GALNT2: variants seen among roughly 807,000 people sequenced by gnomAD.
GALNT2 encodes UDP-GalNAc:polypeptide N-acetylgalactosaminyltransferase 2.
GALNT2 carries 31 observed loss-of-function variants against 81.4 expected under a neutral mutation model. That is an observed-to-expected ratio of 0.38 (90% CI 0.29 to 0.51). The LOEUF (loss-of-function observed/expected upper bound fraction) is 0.51, where lower values mean the gene tolerates loss of function less well. GALNT2 is among the 20% of genes least tolerant of loss of function. The pLI is 0.87. For synonymous variants in GALNT2, 303 were observed against 287.4 expected, an observed-to-expected ratio of 1.05 and a Z score of -0.55; for missense variants, 629 against 765.7, an observed-to-expected ratio of 0.82 and a Z score of 2.11.
intron 1 of GALNT2, among the ~76,000 whole-genome samples, chr1:230,108,970 G>T (rs2102786965): frequency 6.6e-6 from 1 of 152,346 alleles, no homozygotes; most frequent in Non-Finnish European, 1.5e-5. Flanking sequence ...GTAAGTTGGA[G>T]ACCATCTGAA....
At chr1:230,265,501 G>T in intron 14 of GALNT2, 134 bp downstream of exon 14, 1 of 1,212,606 alleles carries the variant, frequency 8.2e-7, no homozygotes, top group Non-Finnish European at 1.2e-6. Context: ...CCTGGCTCCT[G>T]CTGGCCACAG....
At chr1:230,272,653 G>T (rs145108794) in intron 14 of GALNT2, among the ~76,000 whole-genome samples, 2 of 152,262 alleles carry the variant, frequency 1.3e-5, no homozygotes, top group Non-Finnish European at 2.9e-5. Context: ...GGGTGTCCGT[G>T]CCTCTGCATC....
At chr1:230,116,861 G>A (rs1013460143) in intron 1 of GALNT2, among the ~76,000 whole-genome samples, 8 of 152,154 alleles carry the variant, frequency 5.3e-5, no homozygotes, top group South Asian at 2.1e-4. Flanking sequence ...TAGGAGTTTC[G>A]GAATGGTAAA....
chr1:230,101,861 A>G (rs547213866), intron 1 of GALNT2, among the ~76,000 whole-genome samples: 1 of 152,194 alleles, frequency 6.6e-6, no homozygotes, highest in African/African-American at 2.4e-5. Context: ...ATTGATGTGT[A>G]GTAAGGACAG....
chr1:230,230,507 C>T (rs1211167385), intron 3 of GALNT2, among the ~76,000 whole-genome samples: 1 of 152,136 alleles, frequency 6.6e-6, no homozygotes, highest in Admixed American at 6.5e-5. Flanking sequence ...GCCCCATTGC[C>T]AGCAGATTTG....
chr1:230,107,402 G>T (rs1660573151), intron 1 of GALNT2, among the ~76,000 whole-genome samples: 1 of 152,116 alleles, frequency 6.6e-6, no homozygotes, highest in African/African-American at 2.4e-5. Flanking sequence ...GCAAGATCCT[G>T]TCTCTACAAA....
At chr1:230,245,969 G>C in intron 7 of GALNT2, 94 bp from the exon 8 acceptor site, 3 of 1,039,534 alleles carry the variant, frequency 2.9e-6, no homozygotes, top group East Asian at 4.8e-5. Flanking sequence ...AGTTGGGTTT[G>C]CCCTGTGCCT....
At chr1:230,221,991 A>C (rs60044338) in intron 3 of GALNT2, among the ~76,000 whole-genome samples, 82,827 of 147,276 alleles carry the variant, frequency 0.56, 25,882 homozygotes, top group East Asian at 0.9. Flanking sequence ...CATCCTTGAC[A>C]TCAAGTGCTG....
intron 1 of GALNT2, among the ~76,000 whole-genome samples, chr1:230,124,384 C>T (rs923229346): frequency 1.3e-5 from 2 of 152,082 alleles, no homozygotes; most frequent in South Asian, 2.1e-4. Flanking sequence ...GATCTGTGGT[C>T]GTACTGGACT....
At chr1:230,119,469 G>A (rs1660948764) in intron 1 of GALNT2, among the ~76,000 whole-genome samples, 2 of 152,224 alleles carry the variant, frequency 1.3e-5, no homozygotes, top group African/African-American at 4.8e-5. Flanking sequence ...CGTGGGGTCT[G>A]TGCTGCACTC....
In GALNT2 at chr1:230,275,930, CATATATACATGCCACATATATATACGT is replaced by C. The variant is rs1553276500; in HGVS notation, c.1560+1453_1560+1479del. 6.0e-5 allele frequency among the ~76,000 whole-genome samples: 9 copies of C among 149,858 alleles called. No homozygotes were observed. The highest frequency in any genetic ancestry group is 2.0e-4 in the Admixed American group (3 of 14,978). ...TATACATAGACACCACAGATACATA[CATATATACATGCCACATATATATACGT>C]ATATATACATGCCACATATATATAC... On this transcript the variant is annotated intron_variant, in intron 15 of 15. Transcript: ENST00000366672. The surrounding 1 kb of genome is among the most constrained non-coding windows in gnomAD (Gnocchi z 5.5).
intron 1 of GALNT2, among the ~76,000 whole-genome samples, chr1:230,139,979 T>C (rs1661676289): frequency 6.6e-6 from 1 of 152,176 alleles, no homozygotes; most frequent in Non-Finnish European, 1.5e-5. Flanking sequence ...ACCATAAAGA[T>C]GAATCAGCCC....
intron 1 of GALNT2, among the ~76,000 whole-genome samples, chr1:230,095,663 C>T (rs931619475): frequency 6.6e-6 from 1 of 152,224 alleles, no homozygotes; most frequent in Non-Finnish European, 1.5e-5. Flanking sequence ...TCTCACCTCC[C>T]TGCCTCGTGA....
chr1:230,064,156 GGTCT>G (rs766763244), upstream of GALNT2, among the ~76,000 whole-genome samples: 3 of 152,046 alleles, frequency 2.0e-5, no homozygotes, highest in East Asian at 3.9e-4. Flanking sequence ...TTTAACATCT[GGTCT>G]GTCTGTTTTA....
At chr1:230,135,644 G>A (rs1661514574) in intron 1 of GALNT2, among the ~76,000 whole-genome samples, 1 of 152,122 alleles carries the variant, frequency 6.6e-6, no homozygotes, top group Non-Finnish European at 1.5e-5. Flanking sequence ...CTCGGCTCTG[G>A]ATTTGAATTC....
chr1:230,217,818 C>T (rs527621304), intron 3 of GALNT2, among the ~76,000 whole-genome samples: 1 of 152,328 alleles, frequency 6.6e-6, no homozygotes, highest in East Asian at 1.9e-4. Flanking sequence ...TTTAAAGGGT[C>T]TTCATTCCTT....
At chr1:230,081,269 G>A (rs564291742) in intron 1 of GALNT2, among the ~76,000 whole-genome samples, 119 of 152,248 alleles carry the variant, frequency 7.8e-4, no homozygotes, top group African/African-American at 2.9e-3. Flanking sequence ...GGACCGAGTG[G>A]CCCCTGGGGT....
At chr1:230,184,118 G>T (rs1034668144) in intron 2 of GALNT2, among the ~76,000 whole-genome samples, 1 of 151,620 alleles carries the variant, frequency 6.6e-6, no homozygotes, top group African/African-American at 2.4e-5. Context: ...TGCAAGGCAG[G>T]TCTACTGGCA....
intron 1 of GALNT2, among the ~76,000 whole-genome samples, chr1:230,058,277 G>A (rs751222159): frequency 2.0e-5 from 3 of 152,168 alleles, no homozygotes; most frequent in Admixed American, 6.5e-5. Flanking sequence ...GCTGGCTGGC[G>A]GCACGGCGAC....
Sources: allele counts gnomAD v4.1 joint callset (sites outside exome capture counted in the v4.1 genomes callset), GRCh38; gene constraint gnomAD v4.1.1; non-coding constraint Gnocchi (gnomAD v3.1); transcripts MANE v1.5; gene names NCBI Gene and HGNC (gene_info 2026-07-23, HGNC 2026-07-21).